The following NIPBL variants were observed in gnomAD, a reference collection of about 807,000 sequenced individuals.
NIPBL encodes the protein nipped-B-like protein.
NIPBL carries 19 observed loss-of-function variants against 321.8 expected under a neutral mutation model. The observed-to-expected ratio is 0.06, with a 90% CI of 0.04 to 0.09. The LOEUF (loss-of-function observed/expected upper bound fraction) is 0.09. Ranked by LOEUF, NIPBL falls within the 10% of genes least tolerant of loss-of-function variation. The probability of loss-of-function intolerance (pLI) is 1.00; values close to 1 mark genes in which losing one functional copy is unlikely to be tolerated. For synonymous variants in NIPBL, 1,106 were observed against 1,114.1 expected (o/e 0.99, Z 0.14); for missense variants, 2,210 against 3,327.0 (o/e 0.66, Z 8.26).
At chr5:36,909,720 T>A (rs975492567) in intron 1 of NIPBL, among the ~76,000 whole-genome samples, 16 of 152,146 alleles carry the variant, frequency 1.1e-4, no homozygotes, top group Non-Finnish European at 1.9e-4. Flanking sequence ...ACGTTTATTA[T>A]TTAAAAGGAA....
chr5:36,962,329 C>G, intron 6 of NIPBL, 55 bp downstream of exon 6: 2 of 1,586,458 alleles, frequency 1.3e-6, no homozygotes, highest in Non-Finnish European at 8.7e-7. Flanking sequence ...TAATTCCAAG[C>G]AAATTTGTTT....
chr5:37,037,453 A>G (rs1297168470), intron 33 of NIPBL, among the ~76,000 whole-genome samples: 2 of 148,828 alleles, frequency 1.3e-5, no homozygotes, highest in Non-Finnish European at 3.0e-5. Context: ...AGATAGATAT[A>G]GATACCCATT....
chr5:37,060,961 G>T lies in NIPBL; in HGVS notation c.7803G>T (p.Met2601Ile). Residue 2601 changes from methionine (M) to isoleucine (I), a missense_variant, in exon 45 of 47, where the codon ATG (methionine) becomes ATT (isoleucine). Transcript: ENST00000282516. ...KQTLDFLRSD[M>I]ANSKITEEVK... ...CACTGGACTTCCTGCGGAGTGACAT[G>T]GCTAATTCCAAAATCACAGAAGAGG... The T allele has an allele frequency of 6.2e-7, 1 of 1,614,098 alleles. No homozygotes were observed. The highest frequency in any genetic ancestry group is 1.1e-5 in the South Asian group (1 of 91,086).
intron 9 of NIPBL, chr5:36,982,287 G>T (rs1744236657): frequency 1.2e-6 from 1 of 865,748 alleles, no homozygotes; most frequent in Non-Finnish European, 1.4e-6. Context: ...TTATTAGGTG[G>T]TTATGATGTA....
At chr5:36,920,908 A>G (rs1181983101) in intron 1 of NIPBL, among the ~76,000 whole-genome samples, 1 of 151,040 alleles carries the variant, frequency 6.6e-6, no homozygotes. Context: ...ACTTTCTTCT[A>G]CATTCCCATT....
At chr5:36,918,702 A>G (rs1463754001) in intron 1 of NIPBL, among the ~76,000 whole-genome samples, 1 of 152,216 alleles carries the variant, frequency 6.6e-6, no homozygotes, top group East Asian at 1.9e-4. Context: ...ACGTTCCATC[A>G]ATACCTAATT....
chr5:37,003,451 A>C (rs749783450), intron 16 of NIPBL, 104 bp downstream of exon 16: 45 of 701,594 alleles, frequency 6.4e-5, no homozygotes, highest in Non-Finnish European at 1.1e-4. Context: ...TCAGTTACCT[A>C]CAGTCAACTG....
intron 1 of NIPBL, among the ~76,000 whole-genome samples, chr5:36,900,806 C>T (rs1747145561): frequency 6.6e-6 from 1 of 152,072 alleles, no homozygotes; most frequent in African/African-American, 2.4e-5. Flanking sequence ...TTTTCCTTTG[C>T]CTTGGAATAC....
chr5:36,954,424 G>A (rs1258510102), intron 2 of NIPBL, among the ~76,000 whole-genome samples: 1 of 152,172 alleles, frequency 6.6e-6, no homozygotes, highest in East Asian at 1.9e-4. Context: ...TTAGCTTTGA[G>A]CTTAGGAAAT....
At chr5:36,912,916 C>T (rs1748158960) in intron 1 of NIPBL, among the ~76,000 whole-genome samples, 1 of 152,008 alleles carries the variant, frequency 6.6e-6, no homozygotes, top group Admixed American at 6.6e-5. Context: ...GTCTTTCAAC[C>T]TGAATTTAAT....
At chr5:36,975,654 G>T in intron 8 of NIPBL, 122 bp from the exon 9 acceptor site, 1 of 960,756 alleles carries the variant, frequency 1.0e-6, no homozygotes, top group South Asian at 1.6e-5. Flanking sequence ...TAAGTAGCTT[G>T]GATTATATAA....
At chr5:37,033,147 A>G (rs1356007716) in intron 32 of NIPBL, among the ~76,000 whole-genome samples, 1 of 152,188 alleles carries the variant, frequency 6.6e-6, no homozygotes, top group Non-Finnish European at 1.5e-5. Context: ...TACAATGTAA[A>G]TTCCTTAATC....
At chr5:37,014,616 T>G in intron 21 of NIPBL, 67 bp from the exon 22 acceptor site, 1 of 930,066 alleles carries the variant, frequency 1.1e-6, no homozygotes, top group Non-Finnish European at 1.8e-6. Context: ...AGTAATAACA[T>G]GACAATAGCA....
At chr5:36,953,910 A>G (rs1740669218) in intron 2 of NIPBL, 150 bp downstream of exon 2, 1 of 675,022 alleles carries the variant, frequency 1.5e-6, no homozygotes. Context: ...AAAAATTGAT[A>G]GCCTAATTTA....
chr5:36,987,089 A>T (rs1023498687), intron 10 of NIPBL, among the ~76,000 whole-genome samples: 3 of 152,150 alleles, frequency 2.0e-5, no homozygotes, highest in Non-Finnish European at 4.4e-5. Context: ...TTTGTTGACC[A>T]GGCTGGTTTC....
At chr5:37,057,060 G>A (rs1460440750) in intron 42 of NIPBL, 126 bp from the exon 43 acceptor site, 4 of 868,640 alleles carry the variant, frequency 4.6e-6, no homozygotes, top group Non-Finnish European at 7.4e-6. Context: ...CTCTCCGTGT[G>A]TGTCTGCTTA....
chr5:36,931,440 C>T (rs1002930005), intron 1 of NIPBL, among the ~76,000 whole-genome samples: 3 of 152,064 alleles, frequency 2.0e-5, no homozygotes, highest in Non-Finnish European at 2.9e-5. Context: ...ACCTAACCCT[C>T]CTGAGAAACT....
intron 38 of NIPBL, 50 bp downstream of exon 38, chr5:37,046,249 A>G (rs756178639): frequency 2.1e-6 from 2 of 930,270 alleles, no homozygotes; most frequent in South Asian, 1.3e-5. Flanking sequence ...GGGATAGAGC[A>G]TATTTTTAAA....
intron 34 of NIPBL, among the ~76,000 whole-genome samples, chr5:37,042,518 A>G (rs919216085): frequency 6.6e-6 from 1 of 151,352 alleles, no homozygotes. Flanking sequence ...AAGGCTGGAC[A>G]TGATGGCTCA....
Sources: gnomAD v4.1 joint callset for allele counts (sites outside exome capture counted in the v4.1 genomes callset) on GRCh38, gnomAD v4.1.1 for gene constraint, MANE v1.5 for transcripts, NCBI Gene and HGNC (gene_info 2026-07-23, HGNC 2026-07-21) for gene names.